The following PCDH9 variants were observed in gnomAD, a reference collection of about 807,000 sequenced individuals.
The protein encoded by PCDH9 is protocadherin 9.
A neutral mutation model predicts 70.6 loss-of-function variants in PCDH9; 24 were observed. That is an observed-to-expected ratio of 0.34 (90% CI 0.25 to 0.48). PCDH9 has a LOEUF of 0.48. PCDH9 is among the 20% of genes least tolerant of loss of function. The pLI, the probability that PCDH9 is intolerant of heterozygous loss-of-function variation, is 0.99. For synonymous variants in PCDH9, 562 were observed against 558.5 expected, an observed-to-expected ratio of 1.01 and a Z score of -0.09; for missense variants, 1,281 against 1,503.6, an observed-to-expected ratio of 0.85 and a Z score of 2.45.
intron 4 of PCDH9, among the ~76,000 whole-genome samples, chr13:66,401,359 TTC>T (rs564155194): frequency 9.8e-4 from 149 of 151,476 alleles, no homozygotes; most frequent in East Asian, 9.3e-3. Context: ...GAGTTTTTTT[TTC>T]CCCCCCTTTG....
chr13:66,423,176 A>G (rs1002642407), intron 4 of PCDH9, among the ~76,000 whole-genome samples: 1 of 152,168 alleles, frequency 6.6e-6, no homozygotes, highest in Non-Finnish European at 1.5e-5. Flanking sequence ...ACAGCCTACC[A>G]ACCAAAAAAA....
chr13:67,006,745 A>G (rs1360587299), intron 2 of PCDH9, among the ~76,000 whole-genome samples: 1 of 152,194 alleles, frequency 6.6e-6, no homozygotes, highest in African/African-American at 2.4e-5. Context: ...TGTAGTGAAC[A>G]TTACTATATT....
At position 66,861,199 on chromosome 13, in the gene PCDH9, G is replaced by A. The variant is rs376314122; in HGVS notation, c.3138+42305C>T. ...ATAGTACTCTTGTGACCCAAGGAAG[G>A]ATAATATCGAGTTAAGTGCGGCACT... On this transcript the variant is annotated intron_variant, in intron 3 of 4. Coordinates refer to ENST00000377865, the MANE Select transcript of PCDH9 (RefSeq NM_203487.3). Among the ~76,000 whole-genome samples the A allele has an allele frequency of 2.0e-4, 30 of 152,296 alleles. No individual in the cohort carries two copies. The East Asian group carries it at 2.5e-3, about 13-fold the overall frequency.
chr13:66,645,404 G>A (rs899846354), intron 3 of PCDH9, among the ~76,000 whole-genome samples: 1 of 151,982 alleles, frequency 6.6e-6, no homozygotes, highest in Non-Finnish European at 1.5e-5. Context: ...ATATATTTTA[G>A]CAACATTGTT....
intron 3 of PCDH9, among the ~76,000 whole-genome samples, chr13:66,657,758 C>T (rs1019995617): frequency 2.0e-5 from 3 of 152,162 alleles, no homozygotes; most frequent in Admixed American, 6.5e-5. Context: ...CTGGGCATAT[C>T]TGTGAGTGTA....
intron 3 of PCDH9, among the ~76,000 whole-genome samples, chr13:66,652,545 A>T (rs1207223997): frequency 6.6e-6 from 1 of 152,016 alleles, no homozygotes; most frequent in Non-Finnish European, 1.5e-5. Flanking sequence ...GTTAAAATGT[A>T]CATACTACCT....
At chr13:67,030,142 A>C (rs1009484389) in intron 2 of PCDH9, among the ~76,000 whole-genome samples, 1 of 152,112 alleles carries the variant, frequency 6.6e-6, no homozygotes, top group Non-Finnish European at 1.5e-5. Flanking sequence ...GTGCAGTGGC[A>C]CTACATCAGT....
At chr13:67,100,497 T>G (rs1276119497) in intron 2 of PCDH9, among the ~76,000 whole-genome samples, 2 of 152,198 alleles carry the variant, frequency 1.3e-5, no homozygotes, top group East Asian at 3.9e-4. Flanking sequence ...CCTACTAAAA[T>G]GCAGAAATGT....
chr13:66,618,110 T>A (rs1850154631), intron 4 of PCDH9, among the ~76,000 whole-genome samples: 1 of 152,190 alleles, frequency 6.6e-6, no homozygotes, highest in South Asian at 2.1e-4. Context: ...TCTAGCAAGC[T>A]ACTCTGGCCT....
chr13:67,060,297 C>T lies in PCDH9; in HGVS notation c.3037-156692G>A, dbSNP rs750896574. Among the ~76,000 whole-genome samples the T allele has an allele frequency of 2.0e-4, 31 of 152,140 alleles. No individual in the cohort carries two copies. The Middle Eastern group carries it at 0.01, about 50-fold the overall frequency. ...CCTGTGCTCTATGCATTATTACTCC[C>T]ATTTTATCCAGGAGGAAATGGAAGT... On this transcript the variant is annotated intron_variant, in intron 2 of 4. Transcript: ENST00000377865.
At chr13:66,382,864 C>T (rs752807853) in intron 4 of PCDH9, among the ~76,000 whole-genome samples, 4 of 152,218 alleles carry the variant, frequency 2.6e-5, no homozygotes, top group Middle Eastern at 3.4e-3. Flanking sequence ...AACTCTGTCA[C>T]TACTAAAAAT....
intron 3 of PCDH9, among the ~76,000 whole-genome samples, chr13:66,643,931 C>A (rs1039374165): frequency 6.6e-6 from 1 of 151,942 alleles, no homozygotes; most frequent in Non-Finnish European, 1.5e-5. Context: ...AAATTTCCCA[C>A]ACCTGGAGGG....
chr13:67,011,696 A>G (rs1309481784), intron 2 of PCDH9, among the ~76,000 whole-genome samples: 1 of 151,924 alleles, frequency 6.6e-6, no homozygotes, highest in Non-Finnish European at 1.5e-5. Context: ...GTACTAACAG[A>G]TTAAATAACC....
In PCDH9 at chr13:66,699,073, T is replaced by C. The variant is rs2078602472; in HGVS notation, c.3139-67662A>G. Among the ~76,000 whole-genome samples, 4 of 151,644 alleles carry C rather than the reference T, an allele frequency of 2.6e-5. No homozygotes were observed. In the South Asian group the frequency reaches 8.3e-4, roughly 32 times the overall value. ...GAAATTACAGGCACCCACCATCATGTCCGGCTAATTTTTGTATTTTTGTAG... is the reference window on the plus strand; with the variant it reads ...GAAATTACAGGCACCCACCATCATGCCCGGCTAATTTTTGTATTTTTGTAG... On this transcript the variant is annotated intron_variant, in intron 3 of 4. Coordinates refer to ENST00000377865, the MANE Select transcript of PCDH9 (RefSeq NM_203487.3).
At chr13:66,875,522 T>G (rs2081790573) in intron 3 of PCDH9, among the ~76,000 whole-genome samples, 1 of 152,194 alleles carries the variant, frequency 6.6e-6, no homozygotes, top group Non-Finnish European at 1.5e-5. Context: ...AAGGCTGCTT[T>G]GAACATTTTT....
intron 4 of PCDH9, among the ~76,000 whole-genome samples, chr13:66,609,551 T>A (rs963604334): frequency 3.3e-5 from 5 of 152,100 alleles, no homozygotes; most frequent in African/African-American, 9.6e-5. Flanking sequence ...AAACTCTTTA[T>A]GAAAATTTAT....
chr13:66,818,974 G>A (rs2080661222), intron 3 of PCDH9, among the ~76,000 whole-genome samples: 1 of 133,330 alleles, frequency 7.5e-6, no homozygotes, highest in Admixed American at 7.5e-5. Context: ...AACAAAAAAG[G>A]TGTGATGATT....
rs1439436514 is a variant in PCDH9 at position 66,903,522 on chromosome 13, A to G, written c.3120T>C (p.Asn1040=). 6.6e-7 allele frequency: 1 copy of G among 1,520,552 alleles called. No homozygotes were observed. Among genetic ancestry groups the G allele is most frequent in the East Asian group, 2.3e-5 (1 of 44,230 alleles). 94.2% of individuals were successfully genotyped at this position (1,520,552 alleles called of 1,614,324 possible). ...PSSTGFHIQE[N]EESHYESQRR... is the part of the protein sequence containing the mutation. ...GGCATACCTCGTAATGGCTTTCTTC[A>G]TTCTCCTGAATGTGGAAACCCGTGG... The change falls in exon 3 of 5, where the codon AAT becomes AAC. Residue 1040 remains asparagine, a synonymous_variant. Coordinates refer to ENST00000377865, the MANE Select transcript of PCDH9 (RefSeq NM_203487.3).
chr13:67,080,564 A>G (rs1476314134), intron 2 of PCDH9, among the ~76,000 whole-genome samples: 1 of 152,226 alleles, frequency 6.6e-6, no homozygotes, highest in East Asian at 1.9e-4. Context: ...TTATTAAACT[A>G]TATTTCTGTG....
Sources: allele counts gnomAD v4.1 joint callset (sites outside exome capture counted in the v4.1 genomes callset), GRCh38; gene constraint gnomAD v4.1.1; transcripts MANE v1.5; gene names NCBI Gene and HGNC (gene_info 2026-07-23, HGNC 2026-07-21).